The following AUTS2 variants were observed in gnomAD, a reference collection of about 807,000 sequenced individuals.
AUTS2 encodes activator of transcription and developmental regulator AUTS2.
Under a neutral mutation model 112.4 loss-of-function variants are expected in AUTS2, and 17 were observed. That is an observed-to-expected ratio of 0.15 (90% CI 0.10 to 0.23). The LOEUF is 0.23. Ranked by LOEUF, AUTS2 falls within the 10% of genes least tolerant of loss-of-function variation. The pLI, the probability that AUTS2 is intolerant of heterozygous loss-of-function variation, is 1.00. For synonymous variants in AUTS2, 751 were observed against 702.7 expected (o/e 1.07, Z -1.09); for missense variants, 1,510 against 1,701.6 (o/e 0.89, Z 1.98).
rs192206425 is a variant in AUTS2 at position 70,641,723 on chromosome 7, C to T, written c.691-56846C>T. Among the ~76,000 whole-genome samples the T allele has an allele frequency of 2.0e-5, 3 of 152,280 alleles. No individual in the cohort carries two copies. In the East Asian group the frequency reaches 5.8e-4, roughly 29 times the overall value. ...GGCCTGCTCCCCAATTCTCAGACAC[C>T]CAGCCTCATGTGCCTGATATGTAAC... On this transcript the variant is annotated intron_variant, in intron 5 of 18. Coordinates refer to ENST00000342771, the MANE Select transcript of AUTS2 (RefSeq NM_015570.4).
At chr7:69,821,544 C>T (rs986843645) in intron 1 of AUTS2, among the ~76,000 whole-genome samples, 5 of 152,114 alleles carry the variant, frequency 3.3e-5, no homozygotes, top group African/African-American at 1.2e-4. Context: ...AAGCTTTGTT[C>T]TTTCTCTCTT....
intron 1 of AUTS2, among the ~76,000 whole-genome samples, chr7:69,625,131 T>A (rs186897522): frequency 9.2e-4 from 140 of 152,258 alleles, no homozygotes; most frequent in African/African-American, 3.3e-3. Flanking sequence ...AGAAGATGCT[T>A]TCTTGCTTTG....
chr7:70,427,004 C>G (rs892357023), intron 4 of AUTS2, among the ~76,000 whole-genome samples: 1 of 150,422 alleles, frequency 6.6e-6, no homozygotes, highest in Non-Finnish European at 1.5e-5. Context: ...GGGGCTCAGA[C>G]CCCACCCAAA....
chr7:69,667,456 A>G (rs1796113844), intron 1 of AUTS2, among the ~76,000 whole-genome samples: 1 of 151,316 alleles, frequency 6.6e-6, no homozygotes, highest in Non-Finnish European at 1.5e-5. Context: ...CCTGGGTTCA[A>G]ACGATTCTCC....
intron 2 of AUTS2, among the ~76,000 whole-genome samples, chr7:70,068,975 A>G (rs755147150): frequency 1.3e-5 from 2 of 152,246 alleles, no homozygotes; most frequent in Non-Finnish European, 2.9e-5. Context: ...CCACTAAGAC[A>G]TTTGACTGTC....
intron 4 of AUTS2, among the ~76,000 whole-genome samples, chr7:70,340,192 A>ACACACACACACC (rs1451522038): frequency 1.3e-5 from 2 of 151,648 alleles, no homozygotes; most frequent in Non-Finnish European, 2.9e-5. Flanking sequence ...ACACACACAC[A>ACACACACACACC]CACCCCGTAA....
chr7:70,072,700 C>T (rs191895452), intron 2 of AUTS2, among the ~76,000 whole-genome samples: 115 of 152,282 alleles, frequency 7.6e-4, no homozygotes, highest in Non-Finnish European at 1.4e-3. Flanking sequence ...CTGTTGGACA[C>T]TGTTGTGTAA....
intron 2 of AUTS2, among the ~76,000 whole-genome samples, chr7:70,059,932 C>T (rs1316830370): frequency 6.6e-6 from 1 of 152,134 alleles, no homozygotes; most frequent in Non-Finnish European, 1.5e-5. Flanking sequence ...AACAAGTTGA[C>T]ATTTATTAAA....
At chr7:70,005,816 T>C (rs1799521390) in intron 2 of AUTS2, among the ~76,000 whole-genome samples, 1 of 151,876 alleles carries the variant, frequency 6.6e-6, no homozygotes, top group South Asian at 2.1e-4. Context: ...GTTAGTGTAA[T>C]TTTAGTATAT....
At chr7:70,561,928 G>A (rs1047551325) in intron 5 of AUTS2, among the ~76,000 whole-genome samples, 10 of 151,992 alleles carry the variant, frequency 6.6e-5, no homozygotes, top group African/African-American at 2.4e-4. Flanking sequence ...GAGGTGTTTG[G>A]GTCACGGGGT....
chr7:69,884,279 A>G (rs985289827), intron 1 of AUTS2, among the ~76,000 whole-genome samples: 10 of 152,156 alleles, frequency 6.6e-5, no homozygotes, highest in African/African-American at 2.4e-4. Context: ...ATGAGAGGAC[A>G]TTTGCAGAAA....
At chr7:70,138,924 C>T (rs1401953213) in intron 4 of AUTS2, among the ~76,000 whole-genome samples, 1 of 151,940 alleles carries the variant, frequency 6.6e-6, no homozygotes, top group Non-Finnish European at 1.5e-5. Flanking sequence ...GACTATAAAC[C>T]CTTGAAATAT....
intron 2 of AUTS2, among the ~76,000 whole-genome samples, chr7:69,940,555 C>G (rs1039595994): frequency 6.6e-5 from 10 of 152,154 alleles, no homozygotes; most frequent in African/African-American, 2.2e-4. Context: ...TCATGAAGTC[C>G]TCCGTAGGTC....
chr7:70,293,326 T>TG (rs1157219460), intron 4 of AUTS2: 4 of 152,186 alleles, frequency 2.6e-5, no homozygotes, highest in Non-Finnish European at 5.9e-5. Flanking sequence ...AAGTAGTAGA[T>TG]AAGAGTAAAA....
At chr7:70,622,199 A>T (rs574328591) in intron 5 of AUTS2, among the ~76,000 whole-genome samples, 2 of 151,822 alleles carry the variant, frequency 1.3e-5, no homozygotes, top group African/African-American at 4.8e-5. Flanking sequence ...TGGAGCGGAG[A>T]TGTCCTGGCA....
At chr7:70,262,086 T>C (rs2129607342) in intron 4 of AUTS2, among the ~76,000 whole-genome samples, 1 of 152,378 alleles carries the variant, frequency 6.6e-6, no homozygotes, top group East Asian at 1.9e-4. Flanking sequence ...CAAAAAGTTA[T>C]TTAATTATCT....
chr7:69,705,025 C>G (rs138459725), intron 1 of AUTS2, among the ~76,000 whole-genome samples: 2 of 152,130 alleles, frequency 1.3e-5, no homozygotes, highest in African/African-American at 4.8e-5. Context: ...CACCACCATG[C>G]CCGGCTAATT....
intron 2 of AUTS2, among the ~76,000 whole-genome samples, chr7:70,114,962 G>T (rs1385324033): frequency 6.6e-6 from 1 of 152,104 alleles, no homozygotes; most frequent in South Asian, 2.1e-4. Flanking sequence ...CTTTAAACTT[G>T]AGCCTGGCTT....
chr7:70,326,616 C>T (rs1790498554), intron 4 of AUTS2, among the ~76,000 whole-genome samples: 1 of 152,168 alleles, frequency 6.6e-6, no homozygotes, highest in South Asian at 2.1e-4. Flanking sequence ...GAGGCCCAGG[C>T]ACTGTGTGCT....
Sources: allele counts gnomAD v4.1 joint callset (sites outside exome capture counted in the v4.1 genomes callset), GRCh38; gene constraint gnomAD v4.1.1; transcripts MANE v1.5; gene names NCBI Gene and HGNC (gene_info 2026-07-23, HGNC 2026-07-21).